NIBAN2: variants seen among roughly 807,000 people sequenced by gnomAD.
NIBAN2 encodes protein Niban 2.
Under a neutral mutation model 81.8 loss-of-function variants are expected in NIBAN2, and 36 were observed. The ratio of observed to expected loss-of-function variants is 0.44; its 90% confidence interval spans 0.34 to 0.58. The LOEUF is 0.58. Among genes scored for constraint, NIBAN2 ranks in the 20% least tolerant of loss-of-function variants. NIBAN2 has a pLI of 0.02. For missense variants in NIBAN2, 897 were observed against 1,014.1 expected (o/e 0.88, Z 1.57); for synonymous variants, 445 against 441.6 (o/e 1.01, Z -0.10).
At chr9:127,544,048 G>A (rs1413370686) in intron 1 of NIBAN2, among the ~76,000 whole-genome samples, 1 of 152,200 alleles carries the variant, frequency 6.6e-6, no homozygotes, top group East Asian at 1.9e-4. Flanking sequence ...GAGCAAAACT[G>A]GGATGTGAAG....
Position 127,510,278 on chromosome 9 carries a change from G to A in NIBAN2, c.1029C>T (p.Ile343=), listed in dbSNP as rs977327490. The A allele has an allele frequency of 5.0e-6, 8 of 1,614,128 alleles. No individual in the cohort carries two copies. The highest frequency in any genetic ancestry group is 1.7e-5 in the Admixed American group (1 of 60,026). Residue 343 remains isoleucine (I), a synonymous_variant, in exon 9 of 14, where the codon ATC becomes ATT. Transcript: ENST00000373312. ...CCATCAGGGCCTCCAGGATGGATGG[G>A]ATGTAGGGCTGGACATGGTTCCGCA... ...VCVRNHVQPY[I]PSILEALMVP... is the part of the protein sequence containing the mutation.
In NIBAN2 at chr9:127,545,967, G is replaced by A. The variant is rs1837464020; in HGVS notation, c.56-14189C>T. Among the ~76,000 whole-genome samples the A allele has an allele frequency of 1.3e-5, 2 of 152,098 alleles. No homozygotes were observed. The highest frequency in any genetic ancestry group is 4.8e-5 in the African/African-American group (2 of 41,406). On this transcript the variant is annotated intron_variant, in intron 1 of 13. Transcript: ENST00000373312. The surrounding 1 kb of genome is among the most constrained non-coding windows in gnomAD (Gnocchi z 4.7). ...CCAGGATGAGGCATGCCTGCCGTCT[G>A]GGAACACAGATCCTCGCTGGGAGGG...
chr9:127,527,373 C>T lies in NIBAN2; in HGVS notation c.187-51G>A. On this transcript the variant is annotated intron_variant, in intron 2 of 13. Transcript: ENST00000373312. The stretch of plus-strand genomic sequence containing the variant: ...GAGGCCCAGGTCTGGGGGGGTGGTG[C>T]TCCCCATGAAGCTGATGGCCCAGCC... The T allele has an allele frequency of 3.8e-6, 6 of 1,566,476 alleles. No homozygotes were observed. The South Asian group carries it at 6.7e-5, about 17-fold the overall frequency.
At chr9:127,538,063 AG>A in intron 1 of NIBAN2, among the ~76,000 whole-genome samples, 1 of 152,322 alleles carries the variant, frequency 6.6e-6, no homozygotes, top group East Asian at 1.9e-4. Context: ...TTGGGGATGC[AG>A]GTCCAGGGCA....
chr9:127,568,806 G>A lies in NIBAN2; in HGVS notation c.55+14C>T. On this transcript the variant is annotated intron_variant, in intron 1 of 13. Coordinates refer to ENST00000373312, the MANE Select transcript of NIBAN2 (RefSeq NM_022833.4). ...GCAGGCCCCTGGGCGCGCGTGGCGC[G>A]GCGCGACCCTCACCTGCGATGTGCT... 1 of 1,310,112 alleles carries A rather than the reference G, an allele frequency of 7.6e-7. No homozygotes were observed. 81.2% of individuals were successfully genotyped at this position (1,310,112 alleles called of 1,614,324 possible).
At chr9:127,513,476 G>A (rs930864754) in intron 8 of NIBAN2, among the ~76,000 whole-genome samples, 1 of 152,112 alleles carries the variant, frequency 6.6e-6, no homozygotes, top group African/African-American at 2.4e-5. Flanking sequence ...GAGATAGGTC[G>A]GCACAAGATA....
chr9:127,544,328 C>T (rs560681905), intron 1 of NIBAN2, among the ~76,000 whole-genome samples: 1 of 152,240 alleles, frequency 6.6e-6, no homozygotes, highest in African/African-American at 2.4e-5. Context: ...GCCTCAGTTT[C>T]CTTATCTGTA....
chr9:127,520,224 A>G, intron 5 of NIBAN2, among the ~76,000 whole-genome samples: 1 of 122,158 alleles, frequency 8.2e-6, no homozygotes, highest in Admixed American at 9.8e-5. Flanking sequence ...ATTTGGACCC[A>G]GGGTCTTTTT....
intron 1 of NIBAN2, among the ~76,000 whole-genome samples, chr9:127,557,796 G>T (rs1382125733): frequency 6.6e-6 from 1 of 152,238 alleles, no homozygotes; most frequent in African/African-American, 2.4e-5. Flanking sequence ...ATCCCAGTTG[G>T]CCTCGGGTCA....
chr9:127,506,643 CAGAAG>C lies in NIBAN2; in HGVS notation c.*197_*201del. On this transcript the variant is annotated 3_prime_UTR_variant, in exon 14 of 14. Transcript: ENST00000373312. ...AGCCCCTGCATCTGAGATCATCCCA[CAGAAG>C]AGAAAACAGGGAGCAAGAAAGTGTT... 2.2e-6 allele frequency: 1 copy of C among 461,832 alleles called. No homozygotes were observed. Among genetic ancestry groups the C allele is most frequent in the South Asian group, 5.7e-5 (1 of 17,544 alleles). The allele number at this position is 461,832 out of a possible 1,614,324, so 28.6% of individuals were successfully genotyped here. A position where few individuals can be genotyped will look rare whatever the true frequency, so the allele number is the denominator to read the frequency against.
intron 1 of NIBAN2, among the ~76,000 whole-genome samples, chr9:127,551,922 A>G (rs1837583967): frequency 6.6e-6 from 1 of 152,074 alleles, no homozygotes; most frequent in Non-Finnish European, 1.5e-5. Flanking sequence ...GGCTCACCTG[A>G]GAGGTCCCCT....
chr9:127,507,807 T>G lies in NIBAN2; in HGVS notation c.1654+60A>C. 3 of 1,496,804 alleles carry G rather than the reference T, an allele frequency of 2.0e-6. No individual in the cohort carries two copies. The highest frequency in any genetic ancestry group is 2.8e-6 in the Non-Finnish European group (3 of 1,074,734). The allele number at this position is 1,496,804 out of a possible 1,614,324, so 92.7% of individuals were successfully genotyped here. ...AGCTGACCCCCTCAGCTGCCACCAC[T>G]TCTCAGCTGCGCCCCCAGCATCCTC... On this transcript the variant is annotated intron_variant, in intron 13 of 13. Coordinates refer to ENST00000373312, the MANE Select transcript of NIBAN2 (RefSeq NM_022833.4). This position sits in a 1 kb window ranked among gnomAD's most constrained non-coding sequence, Gnocchi z 6.8.
intron 1 of NIBAN2, among the ~76,000 whole-genome samples, chr9:127,561,557 C>T (rs534381704): frequency 3.2e-4 from 48 of 152,300 alleles, no homozygotes; most frequent in Middle Eastern, 3.4e-3. Context: ...GAACACCAGT[C>T]CATCCAGTGG....
In NIBAN2 at chr9:127,509,148, C is replaced by T. The variant is rs764444965; in HGVS notation, c.1162-17G>A. The T allele has an allele frequency of 8.1e-6, 13 of 1,601,836 alleles. No homozygotes were observed. Among genetic ancestry groups the T allele is most frequent in the East Asian group, 6.7e-5 (3 of 44,718 alleles). On this transcript the variant is annotated splice_polypyrimidine_tract_variant and intron_variant, in intron 9 of 13. Coordinates refer to ENST00000373312, the MANE Select transcript of NIBAN2 (RefSeq NM_022833.4). Reference sequence around the variant, plus strand: ...CTCCATGTACTGCAGGGGCCGGGGCCGCGGGGGCTGAGCAGGGCCGCCCTG... The same window carrying T: ...CTCCATGTACTGCAGGGGCCGGGGCTGCGGGGGCTGAGCAGGGCCGCCCTG...
intron 4 of NIBAN2, 120 bp downstream of exon 4, chr9:127,524,938 A>G: frequency 2.8e-6 from 2 of 705,476 alleles, no homozygotes; most frequent in Non-Finnish European, 5.0e-6. Context: ...CACAGCTCTA[A>G]GCCTAGTTGG....
upstream of NIBAN2, among the ~76,000 whole-genome samples, chr9:127,569,711 CT>C (rs1407591712): frequency 6.6e-6 from 1 of 152,168 alleles, no homozygotes; most frequent in Non-Finnish European, 1.5e-5. Context: ...GCCCGCTGGT[CT>C]TGCACAACAG....
rs1181688711 is a variant in NIBAN2, at chr9:127,517,550, C to T, written c.705+276G>A. On this transcript the variant is annotated intron_variant, in intron 6 of 13. Transcript: ENST00000373312. This position sits in a 1 kb window ranked among gnomAD's most constrained non-coding sequence, Gnocchi z 4.0. ...CCAAATGTCTGTTTCTCCTGCTATA[C>T]GGAGAGCTCCCTGAGGGCCAGGAAT... Among the ~76,000 whole-genome samples, 4 of 152,202 alleles carry T rather than the reference C, an allele frequency of 2.6e-5. No homozygotes were observed. In the East Asian group the frequency reaches 5.8e-4, roughly 22 times the overall value.
intron 1 of NIBAN2, among the ~76,000 whole-genome samples, chr9:127,547,843 C>T (rs537482530): frequency 6.6e-6 from 1 of 152,040 alleles, no homozygotes; most frequent in East Asian, 1.9e-4. Flanking sequence ...ACCTCAAAAA[C>T]AAAAAAACAA....
At chr9:127,571,402 G>A (rs1282556533), upstream of NIBAN2, among the ~76,000 whole-genome samples, 1 of 152,218 alleles carries the variant, frequency 6.6e-6, no homozygotes, top group Non-Finnish European at 1.5e-5. Context: ...CACATGAGAT[G>A]AAAGTGGAAA....
Sources: allele counts gnomAD v4.1 joint callset (sites outside exome capture counted in the v4.1 genomes callset), GRCh38; gene constraint gnomAD v4.1.1; non-coding constraint Gnocchi (gnomAD v3.1); transcripts MANE v1.5; gene names NCBI Gene and HGNC (gene_info 2026-07-23, HGNC 2026-07-21).